Variants in COL25A1 observed in about 807,000 individuals in gnomAD.
COL25A1 encodes the protein collagen alpha-1(XXV) chain.
Under a neutral mutation model 128.4 loss-of-function variants are expected in COL25A1, and 103 were observed. That is an observed-to-expected ratio of 0.80 (90% CI 0.68 to 0.94). The LOEUF is 0.94. COL25A1 is among the 40% of genes least tolerant of loss of function. The probability of loss-of-function intolerance (pLI) is 0.00; values close to 1 mark genes in which losing one functional copy is unlikely to be tolerated. For missense variants in COL25A1, 745 were observed against 840.0 expected (o/e 0.89, Z 1.40); for synonymous variants, 279 against 277.2 (o/e 1.01, Z -0.06).
chr4:109,271,945 G>A (rs1782226782), intron 3 of COL25A1, among the ~76,000 whole-genome samples: 1 of 152,078 alleles, frequency 6.6e-6, no homozygotes, highest in Non-Finnish European at 1.5e-5. Flanking sequence ...TTTTTTTAAA[G>A]TTAAAAATCA....
Position 108,835,741 on chromosome 4 carries a change from C to T in COL25A1, c.1657-3308G>A, listed in dbSNP as rs1054733489. ...GGCTAATTTTTGTTTTTAGTAGAGA[C>T]AGGGTTTCATCATGTTGGCCAGGCT... On this transcript the variant is annotated intron_variant, in intron 31 of 37. Transcript: ENST00000399132. Among the ~76,000 whole-genome samples, 5 of 151,052 alleles carry T rather than the reference C, an allele frequency of 3.3e-5. No individual in the cohort carries two copies. The East Asian group carries it at 9.9e-4, about 30-fold the overall frequency.
intron 3 of COL25A1, among the ~76,000 whole-genome samples, chr4:109,282,280 C>T (rs1415854359): frequency 6.6e-5 from 10 of 152,022 alleles, no homozygotes; most frequent in Non-Finnish European, 5.9e-5. Context: ...GTAAGAACAA[C>T]AGAAATGAAA....
chr4:109,150,025 T>C (rs907182343), intron 3 of COL25A1, among the ~76,000 whole-genome samples: 8 of 151,462 alleles, frequency 5.3e-5, no homozygotes. Context: ...TGTATCTGTG[T>C]GTATGTGTAT....
At chr4:108,846,832 T>C (rs768968561) in intron 27 of COL25A1, among the ~76,000 whole-genome samples, 3 of 152,148 alleles carry the variant, frequency 2.0e-5, no homozygotes, top group Non-Finnish European at 4.4e-5. Flanking sequence ...GTCAGAATGG[T>C]ATTTTTATTC....
At position 108,889,734 on chromosome 4, in the gene COL25A1, C is replaced by A; in HGVS notation, c.907-1G>T. On this transcript the variant is annotated splice_acceptor_variant, in intron 16 of 37. Coordinates refer to ENST00000399132, the MANE Select transcript of COL25A1 (RefSeq NM_198721.4). LOFTEE classifies it high-confidence loss of function. ...CTGCAGCAGATGATCCAGGGTCACC[C>A]TAAAACGAAACCCAGGAGAGATTAT... is the stretch of plus-strand genomic sequence containing the variant. 1 of 1,613,260 alleles carries A rather than the reference C, an allele frequency of 6.2e-7. No homozygotes were observed. Among genetic ancestry groups the A allele is most frequent in the South Asian group, 1.1e-5 (1 of 91,056 alleles).
chr4:109,025,855 C>G (rs749900595), intron 5 of COL25A1, among the ~76,000 whole-genome samples: 18 of 152,000 alleles, frequency 1.2e-4, no homozygotes, highest in Non-Finnish European at 1.9e-4. Flanking sequence ...TTGAACAAAC[C>G]AAGTTTCAGA....
chr4:108,998,999 C>T (rs976908490), intron 6 of COL25A1, among the ~76,000 whole-genome samples: 4 of 152,064 alleles, frequency 2.6e-5, no homozygotes, highest in Non-Finnish European at 5.9e-5. Flanking sequence ...TAAGACCTAA[C>T]ATCATAAAAA....
In COL25A1 at chr4:109,299,928, A is replaced by G. The variant is rs17040309; in HGVS notation, c.367+655T>C. On this transcript the variant is annotated intron_variant, in intron 3 of 37. Coordinates refer to ENST00000399132, the MANE Select transcript of COL25A1 (RefSeq NM_198721.4). The stretch of plus-strand genomic sequence containing the variant: ...CCTTCTTCTCTGTCCTTCTACTAAT[A>G]TGCTGCCTTTAATATAGTTCCCTGA... 2.8e-3 allele frequency among the ~76,000 whole-genome samples: 426 copies of G among 152,244 alleles called. 2 individuals are homozygous for G. Among genetic ancestry groups the G allele is most frequent in the African/African-American group, 9.6e-3 (401 of 41,568 alleles).
intron 31 of COL25A1, among the ~76,000 whole-genome samples, chr4:108,837,609 C>A (rs1302753923): frequency 6.6e-6 from 1 of 152,136 alleles, no homozygotes; most frequent in Admixed American, 6.6e-5. Context: ...ACACGTAGAA[C>A]ATGATATGAT....
chr4:109,261,633 T>C (rs545700083), intron 3 of COL25A1, among the ~76,000 whole-genome samples: 36 of 152,330 alleles, frequency 2.4e-4, no homozygotes, highest in African/African-American at 8.4e-4. Context: ...CCATAGCAGA[T>C]TATTATTGAC....
At chr4:109,043,737 G>A (rs1392061089) in intron 5 of COL25A1, among the ~76,000 whole-genome samples, 1 of 152,096 alleles carries the variant, frequency 6.6e-6, no homozygotes, top group East Asian at 1.9e-4. Flanking sequence ...AAAACTATGT[G>A]TAAAATTTGC....
At chr4:109,104,145 G>A (rs1263869328) in intron 3 of COL25A1, among the ~76,000 whole-genome samples, 1 of 152,090 alleles carries the variant, frequency 6.6e-6, no homozygotes, top group East Asian at 1.9e-4. Context: ...AGCTGAGGTG[G>A]GAGGATCACT....
chr4:109,155,137 G>T (rs148264568), intron 3 of COL25A1, among the ~76,000 whole-genome samples: 30 of 152,302 alleles, frequency 2.0e-4, no homozygotes, highest in African/African-American at 6.5e-4. Context: ...CTGGTCAAGG[G>T]AGCATAAAGC....
chr4:108,882,776 T>C (rs775999697), intron 19 of COL25A1, among the ~76,000 whole-genome samples: 23 of 152,240 alleles, frequency 1.5e-4, no homozygotes, highest in Middle Eastern at 3.4e-3. Context: ...AAAGGACATA[T>C]CTGAACTTTT....
intron 6 of COL25A1, among the ~76,000 whole-genome samples, chr4:108,991,374 T>C (rs187295931): frequency 2.0e-5 from 3 of 152,296 alleles, no homozygotes; most frequent in African/African-American, 4.8e-5. Flanking sequence ...ATATGGATTA[T>C]AGTAAAATAA....
chr4:109,291,045 A>G (rs1029291842), intron 3 of COL25A1, among the ~76,000 whole-genome samples: 1 of 152,146 alleles, frequency 6.6e-6, no homozygotes, highest in East Asian at 1.9e-4. Flanking sequence ...TTAAAGAGAA[A>G]ATAAATTGCT....
At chr4:109,192,936 G>T (rs1422567535) in intron 3 of COL25A1, among the ~76,000 whole-genome samples, 1 of 151,960 alleles carries the variant, frequency 6.6e-6, no homozygotes, top group Non-Finnish European at 1.5e-5. Flanking sequence ...GAGAGAGCAT[G>T]GCCATCCGCA....
intron 33 of COL25A1, among the ~76,000 whole-genome samples, chr4:108,826,404 G>A (rs1055766635): frequency 6.6e-6 from 1 of 152,078 alleles, no homozygotes; most frequent in African/African-American, 2.4e-5. Context: ...TGGGCATGGT[G>A]GCACACATCT....
chr4:108,910,225 T>C (rs1453157661), intron 13 of COL25A1, among the ~76,000 whole-genome samples: 6 of 152,184 alleles, frequency 3.9e-5, no homozygotes, highest in African/African-American at 7.2e-5. Flanking sequence ...AATTATTCTT[T>C]CTCTTGGAAA....
Sources: allele counts gnomAD v4.1 joint callset (sites outside exome capture counted in the v4.1 genomes callset), GRCh38; gene constraint gnomAD v4.1.1; transcripts MANE v1.5; gene names NCBI Gene and HGNC (gene_info 2026-07-23, HGNC 2026-07-21).